The following AFF1 variants were observed in gnomAD, a reference collection of about 807,000 sequenced individuals.
AFF1 encodes AF4/FMR2 family member 1.
A neutral mutation model predicts 121.7 loss-of-function variants in AFF1; 48 were observed. The observed-to-expected ratio is 0.39, with a 90% CI of 0.31 to 0.50. AFF1 has a LOEUF of 0.50. AFF1 is among the 20% of genes least tolerant of loss of function. The pLI is 0.76. For synonymous variants in AFF1, 613 were observed against 563.0 expected, an observed-to-expected ratio of 1.09 and a Z score of -1.26; for missense variants, 1,523 against 1,511.7, an observed-to-expected ratio of 1.01 and a Z score of -0.12.
At chr4:87,001,028 G>T (rs1039923227) in intron 2 of AFF1, among the ~76,000 whole-genome samples, 6 of 151,894 alleles carry the variant, frequency 4.0e-5, no homozygotes, top group Non-Finnish European at 8.8e-5. Flanking sequence ...GCACCTTGCC[G>T]CAGGCTTGTT....
intron 14 of AFF1, 45 bp from the exon 15 acceptor site, chr4:87,126,981 C>A: frequency 6.5e-7 from 1 of 1,543,086 alleles, no homozygotes; most frequent in East Asian, 2.2e-5. Context: ...GGACAGTGGT[C>A]TTAAATGTTA....
chr4:87,104,887 C>T (rs1725758939), intron 8 of AFF1, among the ~76,000 whole-genome samples: 1 of 150,578 alleles, frequency 6.6e-6, no homozygotes, highest in African/African-American at 2.4e-5. Flanking sequence ...CTCACTGAAA[C>T]AATAGCAATA....
At chr4:87,041,374 C>T (rs1163454276) in intron 2 of AFF1, among the ~76,000 whole-genome samples, 1 of 152,044 alleles carries the variant, frequency 6.6e-6, no homozygotes, top group Non-Finnish European at 1.5e-5. Context: ...TTGGTAAGCC[C>T]CAAAAAGGAT....
chr4:86,989,081 AC>A (rs1176315969), intron 2 of AFF1, among the ~76,000 whole-genome samples: 1 of 152,232 alleles, frequency 6.6e-6, no homozygotes, highest in Non-Finnish European at 1.5e-5. Context: ...AACCATAAAA[AC>A]CCTAGAAGAA....
At chr4:86,937,561 A>G (rs960957091) in intron 1 of AFF1, among the ~76,000 whole-genome samples, 6 of 152,110 alleles carry the variant, frequency 3.9e-5, no homozygotes, top group Non-Finnish European at 8.8e-5. Flanking sequence ...ATACATATAT[A>G]TTTATCAGGC....
At chr4:86,946,307 T>C (rs140231187) in intron 1 of AFF1, among the ~76,000 whole-genome samples, 1 of 152,352 alleles carries the variant, frequency 6.6e-6, no homozygotes, top group Non-Finnish European at 1.5e-5. Flanking sequence ...GTGTCTTTGC[T>C]TACCTTCTGT....
chr4:86,945,565 T>C (rs1283055432), intron 1 of AFF1, among the ~76,000 whole-genome samples: 1 of 141,274 alleles, frequency 7.1e-6, no homozygotes, highest in African/African-American at 2.7e-5. Flanking sequence ...GTGGCACAGA[T>C]CACAGTTCAC....
rs1209706286 is a variant in AFF1, at chr4:86,943,503, A to G, written c.-36-4995A>G. ...GCCTCTGAACAGAGTAATTTTTCTCATATTCTCCTTTGGAAACTAGATTGT... is the reference window on the plus strand; with the variant it reads ...GCCTCTGAACAGAGTAATTTTTCTCGTATTCTCCTTTGGAAACTAGATTGT... On this transcript the variant is annotated intron_variant, in intron 1 of 20. Transcript: ENST00000395146. Among the ~76,000 whole-genome samples, 4 of 152,184 alleles carry G rather than the reference A, an allele frequency of 2.6e-5. No homozygotes were observed. The East Asian group carries it at 7.7e-4, about 29-fold the overall frequency.
chr4:87,092,624 A>G (rs926172090), intron 7 of AFF1, among the ~76,000 whole-genome samples: 1 of 152,144 alleles, frequency 6.6e-6, no homozygotes, highest in African/African-American at 2.4e-5. Flanking sequence ...TTTATCTAGT[A>G]TTCTACAAAG....
chr4:86,995,696 C>G (rs1252943848), intron 2 of AFF1, among the ~76,000 whole-genome samples: 1 of 151,756 alleles, frequency 6.6e-6, no homozygotes, highest in East Asian at 2.0e-4. Context: ...CCTTGGCCTC[C>G]CAAAGTGCCG....
At chr4:86,976,472 A>G (rs970926989) in intron 2 of AFF1, among the ~76,000 whole-genome samples, 4 of 152,172 alleles carry the variant, frequency 2.6e-5, no homozygotes, top group Admixed American at 6.5e-5. Context: ...CTTTGCATCA[A>G]TGTGCATGGA....
intron 8 of AFF1, among the ~76,000 whole-genome samples, chr4:87,101,301 G>T (rs1485889505): frequency 6.6e-6 from 1 of 152,108 alleles, no homozygotes; most frequent in African/African-American, 2.4e-5. Flanking sequence ...GGATTCTACG[G>T]CCAGGCTCAC....
intron 1 of AFF1, among the ~76,000 whole-genome samples, chr4:86,940,028 A>G (rs887053385): frequency 2.0e-5 from 3 of 152,232 alleles, no homozygotes; most frequent in Non-Finnish European, 4.4e-5. Flanking sequence ...TTCAAGAACT[A>G]TGAAGGCTGA....
chr4:87,008,721 A>G (rs756732334), intron 2 of AFF1, among the ~76,000 whole-genome samples: 5 of 151,898 alleles, frequency 3.3e-5, no homozygotes, highest in Non-Finnish European at 5.9e-5. Context: ...TCTTAATACA[A>G]TTGTTGCAGA....
At chr4:87,081,010 T>C (rs1239222295) in intron 4 of AFF1, among the ~76,000 whole-genome samples, 2 of 152,148 alleles carry the variant, frequency 1.3e-5, no homozygotes, top group African/African-American at 4.8e-5. Flanking sequence ...CTCTCTAACT[T>C]ACTCTTAAAC....
At chr4:86,951,452 G>A (rs1460167766) in intron 2 of AFF1, among the ~76,000 whole-genome samples, 11 of 151,648 alleles carry the variant, frequency 7.3e-5, no homozygotes, top group African/African-American at 2.7e-4. Context: ...CACACATTTA[G>A]TTAGCTGCTT....
At chr4:86,972,789 A>G (rs2149481506) in intron 2 of AFF1, among the ~76,000 whole-genome samples, 1 of 152,188 alleles carries the variant, frequency 6.6e-6, no homozygotes, top group Non-Finnish European at 1.5e-5. Flanking sequence ...ATCTGCCCAT[A>G]TCTACCTCCC....
chr4:87,130,657 T>C (rs1728741273), intron 16 of AFF1, among the ~76,000 whole-genome samples: 2 of 152,254 alleles, frequency 1.3e-5, no homozygotes, highest in African/African-American at 4.8e-5. Flanking sequence ...AACATGCTCA[T>C]AAACCATGAT....
At chr4:86,981,463 G>T (rs1310783539) in intron 2 of AFF1, among the ~76,000 whole-genome samples, 1 of 151,994 alleles carries the variant, frequency 6.6e-6, no homozygotes, top group Admixed American at 6.6e-5. Flanking sequence ...CACTTCCCAG[G>T]TTCAAGCAAT....
Sources: gnomAD v4.1 joint callset for allele counts (sites outside exome capture counted in the v4.1 genomes callset) on GRCh38, gnomAD v4.1.1 for gene constraint, MANE v1.5 for transcripts, NCBI Gene and HGNC (gene_info 2026-07-23, HGNC 2026-07-21) for gene names.